The following CATSPERE variants were observed in gnomAD, a reference collection of about 807,000 sequenced individuals.
CATSPERE encodes the protein cation channel sperm-associated auxiliary subunit epsilon.
CATSPERE carries 93 observed loss-of-function variants against 114.1 expected under a neutral mutation model. That is an observed-to-expected ratio of 0.81 (90% confidence interval 0.69 to 0.97). CATSPERE has a LOEUF of 0.97. Ranked by LOEUF, CATSPERE falls within the 50% of genes least tolerant of loss-of-function variation. The pLI is 0.00. For missense variants in CATSPERE, 1,058 were observed against 1,131.6 expected, an observed-to-expected ratio of 0.93 and a Z score of 0.93; for synonymous variants, 341 against 384.1, an observed-to-expected ratio of 0.89 and a Z score of 1.31.
intron 8 of CATSPERE, among the ~76,000 whole-genome samples, chr1:244,525,520 A>G (rs1334715733): frequency 6.6e-6 from 1 of 151,930 alleles, no homozygotes; most frequent in Non-Finnish European, 1.5e-5. Flanking sequence ...AAAATAAAAA[A>G]GAAAGTCATT....
chr1:244,601,590 G>A (rs547670812), intron 17 of CATSPERE, among the ~76,000 whole-genome samples: 1 of 152,310 alleles, frequency 6.6e-6, no homozygotes, highest in African/African-American at 2.4e-5. Context: ...ATAACTGGGG[G>A]TCAGATGATT....
intron 6 of CATSPERE, 103 bp downstream of exon 6, chr1:244,490,574 T>G (rs1272850290): frequency 2.6e-6 from 2 of 774,470 alleles, no homozygotes; most frequent in Non-Finnish European, 4.3e-6. Flanking sequence ...CAAATGAATT[T>G]TGCAATGATA....
At chr1:244,464,560 A>G (rs1667300609) in intron 2 of CATSPERE, among the ~76,000 whole-genome samples, 1 of 152,214 alleles carries the variant, frequency 6.6e-6, no homozygotes, top group Non-Finnish European at 1.5e-5. Context: ...TTGCCTGGCC[A>G]TGGGAAATAC....
intron 8 of CATSPERE, among the ~76,000 whole-genome samples, chr1:244,519,365 TGGG>T (rs1252029050): frequency 2.6e-5 from 4 of 152,108 alleles, no homozygotes; most frequent in African/African-American, 4.8e-5. Flanking sequence ...CCTAGCCAAA[TGGG>T]GGAGAATTCC....
intron 21 of CATSPERE, among the ~76,000 whole-genome samples, chr1:244,638,591 TACTTA>T (rs149811624): frequency 9.7e-4 from 148 of 152,330 alleles, no homozygotes; most frequent in Non-Finnish European, 1.9e-3. Context: ...TCCTACTGTC[TACTTA>T]ACTTCTTCTC....
At chr1:244,483,054 T>C (rs965207217) in intron 5 of CATSPERE, among the ~76,000 whole-genome samples, 5 of 152,238 alleles carry the variant, frequency 3.3e-5, no homozygotes, top group African/African-American at 1.2e-4. Flanking sequence ...TATTTCATTG[T>C]ATGACTCTGT....
intron 2 of CATSPERE, among the ~76,000 whole-genome samples, chr1:244,474,507 C>A (rs1218332337): frequency 6.7e-6 from 1 of 149,718 alleles, no homozygotes; most frequent in Non-Finnish European, 1.5e-5. Flanking sequence ...TATAATTGTT[C>A]TTTGATTATA....
chr1:244,508,700 A>C (rs1367463902), intron 7 of CATSPERE, among the ~76,000 whole-genome samples: 1 of 151,158 alleles, frequency 6.6e-6, no homozygotes, highest in Non-Finnish European at 1.5e-5. Context: ...AGGTTTTTCT[A>C]TATATAAGAT....
At chr1:244,632,171 A>G (rs1409757154) in intron 20 of CATSPERE, among the ~76,000 whole-genome samples, 2 of 152,116 alleles carry the variant, frequency 1.3e-5, no homozygotes, top group Non-Finnish European at 2.9e-5. Context: ...CGAGGTGGGC[A>G]GATCATGAGG....
chr1:244,468,897 G>A (rs1668023391), intron 2 of CATSPERE, among the ~76,000 whole-genome samples: 1 of 152,162 alleles, frequency 6.6e-6, no homozygotes, highest in South Asian at 2.1e-4. Flanking sequence ...CAGCCTGGGT[G>A]ACACAATGAG....
rs146673466 is a variant in CATSPERE at position 244,580,918 on chromosome 1, T to C, written c.1951-878T>C. On this transcript the variant is annotated intron_variant, in intron 11 of 21. Coordinates refer to ENST00000366534, the MANE Select transcript of CATSPERE (RefSeq NM_001130957.2). ...CGGGAGGCTGAGACAGGAGAATCGC[T>C]TGAACCTGGGAGGTGGAGGTTGTAG... is the stretch of plus-strand genomic sequence containing the variant. Among the ~76,000 whole-genome samples the C allele has an allele frequency of 9.6e-3, 1,466 of 152,152 alleles. 25 individuals carry two copies. The highest frequency in any genetic ancestry group is 0.034 in the African/African-American group (1,412 of 41,494).
At chr1:244,627,217 C>G (rs904929894) in intron 20 of CATSPERE, among the ~76,000 whole-genome samples, 1 of 152,138 alleles carries the variant, frequency 6.6e-6, no homozygotes, top group Non-Finnish European at 1.5e-5. Context: ...AGTCCACTAT[C>G]TTATATGGTC....
intron 13 of CATSPERE, among the ~76,000 whole-genome samples, chr1:244,587,451 G>A (rs1216222815): frequency 6.6e-6 from 1 of 152,200 alleles, no homozygotes; most frequent in African/African-American, 2.4e-5. Flanking sequence ...GAACAGCCTG[G>A]CTATATGATG....
Position 244,552,451 on chromosome 1 carries a change from A to G in CATSPERE, c.666A>G (p.Ile222Met), listed in dbSNP as rs750454020. ...LILLTFPLLT[I>M]PEIPGYLPIS... ...TGTTGACTTTTCCTTTGTTGACCAT[A>G]CCTGAAATTCCTGGTTATTTACCAA... The change falls in exon 9 of 22, where the codon ATA becomes ATG. Residue 222 changes from isoleucine (I) to methionine (M), a missense_variant. Physicochemically the swap from Ile to Met is conservative, Grantham distance 10 (BLOSUM62 1). Transcript: ENST00000366534. The G allele has an allele frequency of 1.2e-6, 2 of 1,614,122 alleles. No homozygotes were observed. Among genetic ancestry groups the G allele is most frequent in the South Asian group, 2.2e-5 (2 of 91,078 alleles).
chr1:244,494,680 T>A (rs137976550), intron 6 of CATSPERE, among the ~76,000 whole-genome samples: 1 of 152,014 alleles, frequency 6.6e-6, no homozygotes, highest in East Asian at 1.9e-4. Flanking sequence ...AGAAGTGTGA[T>A]GGAAAGATAT....
chr1:244,634,846 A>G (rs75126713), intron 20 of CATSPERE, among the ~76,000 whole-genome samples: 6,522 of 152,260 alleles, frequency 0.043, 166 homozygotes, highest in Admixed American at 0.066. Context: ...CTCAATTAGT[A>G]TTCATTTTCT....
intron 9 of CATSPERE, among the ~76,000 whole-genome samples, chr1:244,559,058 GCCGAAGCATTAAGTGGAGTTA>G (rs1662139857): frequency 6.6e-6 from 1 of 152,190 alleles, no homozygotes; most frequent in Admixed American, 6.5e-5. Context: ...GCACGATTAT[GCCGAAGCATTAAGTGGAGTTA>G]CGTGGGAAAG....
At chr1:244,465,812 A>G (rs1045371242) in intron 2 of CATSPERE, among the ~76,000 whole-genome samples, 1 of 152,208 alleles carries the variant, frequency 6.6e-6, no homozygotes, top group Non-Finnish European at 1.5e-5. Flanking sequence ...CATTGTTATC[A>G]TAGTAACTGG....
intron 17 of CATSPERE, among the ~76,000 whole-genome samples, chr1:244,598,088 C>A (rs894844140): frequency 6.6e-6 from 1 of 152,164 alleles, no homozygotes; most frequent in African/African-American, 2.4e-5. Context: ...ATTCATATAA[C>A]TAGTTACACA....
Sources: gnomAD v4.1 joint callset for allele counts (sites outside exome capture counted in the v4.1 genomes callset) on GRCh38, gnomAD v4.1.1 for gene constraint, MANE v1.5 for transcripts, NCBI Gene and HGNC (gene_info 2026-07-23, HGNC 2026-07-21) for gene names.